LAMA2: variants seen among roughly 807,000 people sequenced by gnomAD.
LAMA2 encodes laminin subunit alpha-2.
Under a neutral mutation model 364.8 loss-of-function variants are expected in LAMA2, and 269 were observed. The observed-to-expected ratio is 0.74, with a 90% CI of 0.67 to 0.82. The LOEUF is 0.82. Among genes scored for constraint, LAMA2 ranks in the 40% least tolerant of loss-of-function variants. The probability of loss-of-function intolerance (pLI) is 0.00; values close to 1 mark genes in which losing one functional copy is unlikely to be tolerated. For missense variants in LAMA2, 3,807 were observed against 3,873.2 expected (o/e 0.98, Z 0.45); for synonymous variants, 1,379 against 1,370.6 (o/e 1.01, Z -0.14).
chr6:128,909,093 T>G (rs2114446530), intron 1 of LAMA2, among the ~76,000 whole-genome samples: 1 of 150,444 alleles, frequency 6.6e-6, no homozygotes, highest in East Asian at 2.0e-4. Flanking sequence ...GGTGTGGTGC[T>G]GAAAAAAATG....
chr6:129,385,681 T>C (rs1778976856), intron 35 of LAMA2, among the ~76,000 whole-genome samples: 2 of 152,204 alleles, frequency 1.3e-5, no homozygotes, highest in African/African-American at 4.8e-5. Flanking sequence ...GACTCCTGAT[T>C]AGTTCATAAA....
chr6:129,361,858 C>T (rs1329451118), intron 32 of LAMA2, among the ~76,000 whole-genome samples: 5 of 145,090 alleles, frequency 3.4e-5, no homozygotes, highest in African/African-American at 1.3e-4. Context: ...GATCTAGGCT[C>T]ACTGCAGCCT....
intron 3 of LAMA2, among the ~76,000 whole-genome samples, chr6:129,090,632 C>G (rs1000191910): frequency 2.6e-5 from 4 of 152,188 alleles, no homozygotes; most frequent in African/African-American, 9.6e-5. Context: ...CATTTTGCTA[C>G]TTAGGGTTCC....
At chr6:129,012,403 C>T (rs1356584447) in intron 1 of LAMA2, among the ~76,000 whole-genome samples, 1 of 152,088 alleles carries the variant, frequency 6.6e-6, no homozygotes, top group Non-Finnish European at 1.5e-5. Flanking sequence ...ACCTTTGTTT[C>T]TTCTAACATG....
chr6:129,125,464 G>A (rs953011410), intron 4 of LAMA2, among the ~76,000 whole-genome samples: 5 of 152,160 alleles, frequency 3.3e-5, no homozygotes, highest in Non-Finnish European at 7.3e-5. Flanking sequence ...ACCTTTAGAG[G>A]TCAGAGAGAT....
At chr6:129,379,221 A>G (rs926870789) in intron 34 of LAMA2, among the ~76,000 whole-genome samples, 7 of 152,068 alleles carry the variant, frequency 4.6e-5, no homozygotes, top group African/African-American at 1.7e-4. Context: ...GGAGGATGGG[A>G]AGGATGAGAG....
Position 129,272,815 on chromosome 6 carries a change from C to G in LAMA2, c.2450+2064C>G, listed in dbSNP as rs1347375063. ...ATAGAAGCTCAAACCCTATTGCGAA[C>G]TGCACCTGCGAGGGATCTAGCTTGT... On this transcript the variant is annotated intron_variant, in intron 17 of 64. Transcript: ENST00000421865. Among the ~76,000 whole-genome samples the G allele has an allele frequency of 2.0e-5, 3 of 152,162 alleles. No individual in the cohort carries two copies. In the East Asian group the frequency reaches 5.8e-4, roughly 29 times the overall value.
At chr6:129,241,935 A>G (rs891083762) in intron 12 of LAMA2, among the ~76,000 whole-genome samples, 2 of 152,192 alleles carry the variant, frequency 1.3e-5, no homozygotes, top group Admixed American at 6.5e-5. Flanking sequence ...TGGCAGATCA[A>G]TACCACTTGG....
At chr6:129,273,690 A>G (rs1934025743) in intron 17 of LAMA2, among the ~76,000 whole-genome samples, 2 of 152,136 alleles carry the variant, frequency 1.3e-5, no homozygotes, top group South Asian at 4.1e-4. Flanking sequence ...ATTAAAACAC[A>G]ATCCATCAGT....
At position 129,381,610 on chromosome 6, in the gene LAMA2, C is replaced by T. The variant is rs1164492329; in HGVS notation, c.4960-1512C>T. ...GGAAATTAATGGAACATAATTACAA[C>T]ACTCACCAGAAAAGCAAGGATTTGA... is the stretch of plus-strand genomic sequence containing the variant. On this transcript the variant is annotated intron_variant, in intron 34 of 64. Coordinates refer to ENST00000421865, the MANE Select transcript of LAMA2 (RefSeq NM_000426.4). Among the ~76,000 whole-genome samples the T allele has an allele frequency of 2.0e-5, 3 of 152,244 alleles. No homozygotes were observed. The East Asian group carries it at 5.8e-4, about 29-fold the overall frequency.
intron 27 of LAMA2, among the ~76,000 whole-genome samples, chr6:129,319,603 A>G (rs1439474140): frequency 6.6e-6 from 1 of 152,162 alleles, no homozygotes; most frequent in Non-Finnish European, 1.5e-5. Context: ...AAAATATCAC[A>G]TTGTTTAAAT....
Position 129,270,737 on chromosome 6 carries a change from T to C in LAMA2, c.2436T>C (p.Asn812=), listed in dbSNP as rs759353718. 6.2e-7 allele frequency: 1 copy of C among 1,613,232 alleles called. No individual in the cohort carries two copies. The highest frequency in any genetic ancestry group is 2.2e-5 in the East Asian group (1 of 44,828). Residue 812 remains asparagine, a synonymous_variant, in exon 17 of 65, where the codon AAT becomes AAC. Transcript: ENST00000421865. ...GTCAACCCTGTGCCTGTCCACTCAA[T>C]ATCCCATCCAATAAGTAAGTAACAA... ...EDCQPCACPL[N]IPSNNFSPTC...
chr6:129,499,190 G>GTACTT (rs1452219394), intron 58 of LAMA2, among the ~76,000 whole-genome samples: 2 of 152,008 alleles, frequency 1.3e-5, no homozygotes, highest in African/African-American at 2.4e-5. Flanking sequence ...TCTATTTCTA[G>GTACTT]TACTTTAAAA....
chr6:129,369,847 C>A, intron 33 of LAMA2, 45 bp from the exon 34 acceptor site: 1 of 1,506,372 alleles, frequency 6.6e-7, no homozygotes, highest in Non-Finnish European at 9.2e-7. Flanking sequence ...ACTATCACTG[C>A]AAGGCCATTT....
intron 1 of LAMA2, among the ~76,000 whole-genome samples, chr6:128,957,836 A>ATTTTTTTTTT (rs10652900): frequency 7.8e-5 from 4 of 51,260 alleles, no homozygotes; most frequent in African/African-American, 1.6e-4. Context: ...TACTTCATGC[A>ATTTTTTTTTT]TTTTTTTTTT....
chr6:129,136,146 A>G (rs1352179013), intron 4 of LAMA2, among the ~76,000 whole-genome samples: 1 of 152,102 alleles, frequency 6.6e-6, no homozygotes, highest in Non-Finnish European at 1.5e-5. Flanking sequence ...CCCAATGGGA[A>G]CGATACCAGG....
chr6:129,343,020 C>T (rs558048784), intron 30 of LAMA2, among the ~76,000 whole-genome samples: 1 of 152,160 alleles, frequency 6.6e-6, no homozygotes, highest in Admixed American at 6.5e-5. Flanking sequence ...AGCTTGGTAC[C>T]ATGGAAACAC....
intron 37 of LAMA2, among the ~76,000 whole-genome samples, chr6:129,396,189 A>G (rs1428685085): frequency 6.6e-6 from 1 of 152,236 alleles, no homozygotes; most frequent in East Asian, 1.9e-4. Flanking sequence ...CATATCTGTC[A>G]GGTACCTACC....
chr6:129,328,666 A>G (rs1775447888), intron 29 of LAMA2, among the ~76,000 whole-genome samples: 1 of 152,246 alleles, frequency 6.6e-6, no homozygotes, highest in African/African-American at 2.4e-5. Context: ...AGACATACCT[A>G]TTTAAAAATT....
Sources: gnomAD v4.1 joint callset for allele counts (sites outside exome capture counted in the v4.1 genomes callset) on GRCh38, gnomAD v4.1.1 for gene constraint, MANE v1.5 for transcripts, NCBI Gene and HGNC (gene_info 2026-07-23, HGNC 2026-07-21) for gene names.